The following HAO1 variants were observed in gnomAD, a reference collection of about 807,000 sequenced individuals.
The protein encoded by HAO1 is 2-Hydroxyacid oxidase 1.
Under a neutral mutation model 39.7 loss-of-function variants are expected in HAO1, and 34 were observed. The observed-to-expected ratio is 0.86, with a 90% CI of 0.65 to 1.14. The LOEUF (loss-of-function observed/expected upper bound fraction) is 1.14. Ranked by LOEUF, HAO1 falls within the 50% of genes most tolerant of loss-of-function variation. The probability of loss-of-function intolerance (pLI) is 0.00; values close to 1 mark genes in which losing one functional copy is unlikely to be tolerated. For synonymous variants in HAO1, 172 were observed against 173.2 expected (o/e 0.99, Z 0.05); for missense variants, 479 against 464.5 (o/e 1.03, Z -0.29).
intron 1 of HAO1, 82 bp downstream of exon 1, chr20:7,940,204 C>G: frequency 8.8e-7 from 1 of 1,137,032 alleles, no homozygotes; most frequent in Admixed American, 2.4e-5. Flanking sequence ...TTACACACCA[C>G]CAACGTAAAA....
At chr20:7,910,051 C>A (rs1229355568) in intron 3 of HAO1, among the ~76,000 whole-genome samples, 1 of 152,142 alleles carries the variant, frequency 6.6e-6, no homozygotes, top group Non-Finnish European at 1.5e-5. Context: ...TTGGGAAAAT[C>A]TTGTATGTTC....
At chr20:7,912,120 C>T (rs1005245583) in intron 3 of HAO1, among the ~76,000 whole-genome samples, 4 of 152,108 alleles carry the variant, frequency 2.6e-5, no homozygotes, top group Admixed American at 2.6e-4. Context: ...ATCTTCAGAC[C>T]GGAGATGTGA....
intron 2 of HAO1, among the ~76,000 whole-genome samples, chr20:7,925,251 A>G (rs1443151216): frequency 1.3e-5 from 2 of 152,172 alleles, no homozygotes; most frequent in Non-Finnish European, 2.9e-5. Context: ...TTTACAATTT[A>G]TGGAACTGAA....
At chr20:7,889,516 G>A (rs1600105135) in intron 5 of HAO1, among the ~76,000 whole-genome samples, 2 of 152,148 alleles carry the variant, frequency 1.3e-5, no homozygotes, top group South Asian at 4.1e-4. Context: ...ATAACCATGA[G>A]GTGATAAGCG....
chr20:7,895,003 C>G, intron 5 of HAO1, 130 bp downstream of exon 5: 1 of 655,322 alleles, frequency 1.5e-6, no homozygotes, highest in Non-Finnish European at 2.7e-6. Flanking sequence ...CAAGATCTCA[C>G]ATATTTGCAC....
chr20:7,891,324 T>C (rs2050173296), intron 5 of HAO1, among the ~76,000 whole-genome samples: 1 of 152,246 alleles, frequency 6.6e-6, no homozygotes, highest in Non-Finnish European at 1.5e-5. Flanking sequence ...CATATGTTTG[T>C]TGGCCATTTG....
At chr20:7,890,794 G>C (rs967050704) in intron 5 of HAO1, among the ~76,000 whole-genome samples, 1 of 152,010 alleles carries the variant, frequency 6.6e-6, no homozygotes, top group Non-Finnish European at 1.5e-5. Flanking sequence ...GAGAACATAC[G>C]ATGTTTGGTT....
At chr20:7,910,068 A>C (rs1436153081) in intron 3 of HAO1, among the ~76,000 whole-genome samples, 2 of 152,198 alleles carry the variant, frequency 1.3e-5, no homozygotes, top group Non-Finnish European at 2.9e-5. Flanking sequence ...GTTCTAGTAT[A>C]TTTTATCGAT....
At chr20:7,925,643 G>A (rs933490049) in intron 2 of HAO1, among the ~76,000 whole-genome samples, 3 of 152,148 alleles carry the variant, frequency 2.0e-5, no homozygotes, top group Admixed American at 6.6e-5. Flanking sequence ...GGAGTATTGA[G>A]TTTGCACACA....
chr20:7,928,339 C>T (rs1193518494), intron 2 of HAO1, among the ~76,000 whole-genome samples: 1 of 150,786 alleles, frequency 6.6e-6, no homozygotes, highest in Non-Finnish European at 1.5e-5. Context: ...GAAAAGGTAG[C>T]TCTATACTTT....
intron 2 of HAO1, among the ~76,000 whole-genome samples, chr20:7,932,082 T>C (rs2050388289): frequency 6.6e-6 from 1 of 152,112 alleles, no homozygotes; most frequent in Non-Finnish European, 1.5e-5. Flanking sequence ...TGATAGTGGG[T>C]GAGTTCTCAT....
chr20:7,939,254 T>C (rs1600125019), intron 1 of HAO1, among the ~76,000 whole-genome samples: 1 of 152,160 alleles, frequency 6.6e-6, no homozygotes, highest in Admixed American at 6.6e-5. Context: ...CTTGAAAGGG[T>C]TGGGGAGAGG....
At chr20:7,894,767 A>C (rs919941590) in intron 5 of HAO1, among the ~76,000 whole-genome samples, 2 of 152,198 alleles carry the variant, frequency 1.3e-5, no homozygotes, top group Non-Finnish European at 2.9e-5. Context: ...TTGAAATCCC[A>C]CAATTCTCTG....
intron 2 of HAO1, among the ~76,000 whole-genome samples, chr20:7,930,434 T>A (rs368413951): frequency 6.6e-6 from 1 of 152,210 alleles, no homozygotes; most frequent in African/African-American, 2.4e-5. Flanking sequence ...TCTTACACTG[T>A]TACTTAAATT....
intron 1 of HAO1, among the ~76,000 whole-genome samples, chr20:7,936,547 T>TGTGTGTGTGTGTGTGC (rs751822933): frequency 7.3e-6 from 1 of 136,674 alleles, no homozygotes; most frequent in African/African-American, 2.8e-5. Context: ...TGTGTGTGTG[T>TGTGTGTGTGTGTGTGC]TCGCGCGCGC....
intron 1 of HAO1, among the ~76,000 whole-genome samples, chr20:7,938,096 C>A (rs575723283): frequency 6.6e-6 from 1 of 152,258 alleles, no homozygotes; most frequent in East Asian, 1.9e-4. Flanking sequence ...CTTTGTATCA[C>A]AATGGGTTAT....
At chr20:7,883,727 T>C (rs1388001471) in intron 7 of HAO1, 64 bp from the exon 8 acceptor site, 6 of 1,241,994 alleles carry the variant, frequency 4.8e-6, no homozygotes, top group Admixed American at 3.4e-5. Flanking sequence ...AGGTAATCGT[T>C]TTCCCAAGGA....
chr20:7,884,797 T>TG, intron 7 of HAO1, among the ~76,000 whole-genome samples: 1 of 152,252 alleles, frequency 6.6e-6, no homozygotes, highest in East Asian at 1.9e-4. Context: ...CAAAAGCCAC[T>TG]GGGGGTTTTC....
intron 2 of HAO1, among the ~76,000 whole-genome samples, chr20:7,914,859 C>T (rs996222766): frequency 6.6e-6 from 1 of 152,198 alleles, no homozygotes; most frequent in Non-Finnish European, 1.5e-5. Context: ...TGGCTCACGC[C>T]TGTAATCCCA....
Sources: allele counts gnomAD v4.1 joint callset (sites outside exome capture counted in the v4.1 genomes callset), GRCh38; gene constraint gnomAD v4.1.1; transcripts MANE v1.5; gene names NCBI Gene and HGNC (gene_info 2026-07-23, HGNC 2026-07-21).